The following SWAP70 variants were observed in gnomAD, a reference collection of about 807,000 sequenced individuals.
The protein encoded by SWAP70 is switch-associated protein 70.
Under a neutral mutation model 80.2 loss-of-function variants are expected in SWAP70, and 34 were observed. The ratio of observed to expected loss-of-function variants is 0.42; its 90% CI spans 0.32 to 0.56. The LOEUF (loss-of-function observed/expected upper bound fraction) is 0.56. SWAP70 is among the 20% of genes least tolerant of loss of function. SWAP70 has a pLI of 0.09. For missense variants in SWAP70, 578 were observed against 690.7 expected (o/e 0.84, Z 1.83); for synonymous variants, 239 against 238.5 (o/e 1.00, Z -0.02).
At chr11:9,705,452 C>G (rs1385329786) in intron 2 of SWAP70, among the ~76,000 whole-genome samples, 2 of 123,548 alleles carry the variant, frequency 1.6e-5, no homozygotes, top group Non-Finnish European at 3.2e-5. Context: ...TCTGTATACA[C>G]TGGTGATCTG....
At chr11:9,749,268 A>G in intron 11 of SWAP70, 85 bp downstream of exon 11, 3 of 716,286 alleles carry the variant, frequency 4.2e-6, no homozygotes, top group Non-Finnish European at 5.5e-6. Context: ...TTTGAGATGG[A>G]GTCTCGCTCT....
chr11:9,673,229 G>A (rs1456104501), intron 1 of SWAP70, among the ~76,000 whole-genome samples: 4 of 152,186 alleles, frequency 2.6e-5, no homozygotes, highest in Non-Finnish European at 5.9e-5. Flanking sequence ...TTCAAGTTGG[G>A]TTCTCCGTGA....
At chr11:9,737,020 G>A (rs192947845) in intron 7 of SWAP70, among the ~76,000 whole-genome samples, 10 of 152,312 alleles carry the variant, frequency 6.6e-5, no homozygotes, top group Admixed American at 1.3e-4. Context: ...ACCAGCCTGG[G>A]CAACATAGCG....
intron 3 of SWAP70, among the ~76,000 whole-genome samples, chr11:9,715,367 T>C (rs1376777102): frequency 6.6e-6 from 1 of 152,086 alleles, no homozygotes; most frequent in Non-Finnish European, 1.5e-5. Flanking sequence ...TGCAATTTGG[T>C]CTGTCCTATT....
rs1410359502 is a variant in SWAP70 at position 9,728,119 on chromosome 11, A to G, written c.709A>G (p.Asn237Asp). Residue 237 changes from asparagine (N) to aspartate (D), a missense_variant, in exon 5 of 12, where the codon AAC (asparagine) becomes GAC (aspartate). By Grantham distance (23) the Asn-to-Asp change is conservative. Coordinates refer to ENST00000318950, the MANE Select transcript of SWAP70 (RefSeq NM_015055.4). ...TGAAAGATGGTTTGTACTAAAACCCAACATAATTTCTTACTATGTGAGTGA... is the reference window on the plus strand; with the variant it reads ...TGAAAGATGGTTTGTACTAAAACCCGACATAATTTCTTACTATGTGAGTGA... ...WTERWFVLKP[N>D]IISYYVSEDL... 6.2e-7 allele frequency: 1 copy of G among 1,613,062 alleles called. No homozygotes were observed. The highest frequency in any genetic ancestry group is 8.5e-7 in the Non-Finnish European group (1 of 1,179,648).
At chr11:9,722,005 A>G (rs1851144742) in intron 3 of SWAP70, among the ~76,000 whole-genome samples, 1 of 152,218 alleles carries the variant, frequency 6.6e-6, no homozygotes, top group African/African-American at 2.4e-5. Flanking sequence ...CAGTAGAAAT[A>G]ATAGGTAAAT....
In SWAP70 at chr11:9,664,093, G is replaced by A; in HGVS notation, c.-87G>A. The stretch of plus-strand genomic sequence containing the variant: ...TGGCGGGTCAGGTGACTGCGCGGCG[G>A]GCTGTGGCTGCGGAGGTTGAGGGGC... On this transcript the variant is annotated 5_prime_UTR_variant, in exon 1 of 12. Coordinates refer to ENST00000318950, the MANE Select transcript of SWAP70 (RefSeq NM_015055.4). The A allele has an allele frequency of 7.7e-7, 1 of 1,306,288 alleles. No individual in the cohort carries two copies. The highest frequency in any genetic ancestry group is 1.5e-5 in the South Asian group (1 of 66,778). 80.9% of individuals were successfully genotyped at this position (1,306,288 alleles called of 1,614,324 possible).
chr11:9,692,671 T>C (rs2134446258), intron 1 of SWAP70, among the ~76,000 whole-genome samples: 1 of 152,290 alleles, frequency 6.6e-6, no homozygotes, highest in Admixed American at 6.5e-5. Context: ...TTCCATAGCA[T>C]TTTACAGTTA....
chr11:9,727,117 G>A (rs540624308), intron 4 of SWAP70, among the ~76,000 whole-genome samples: 10 of 152,306 alleles, frequency 6.6e-5, no homozygotes, highest in South Asian at 2.1e-4. Context: ...TTGGCTGGAC[G>A]TGGTGGCTCA....
intron 1 of SWAP70, among the ~76,000 whole-genome samples, chr11:9,674,544 T>C (rs992862891): frequency 6.6e-6 from 1 of 151,544 alleles, no homozygotes; most frequent in Non-Finnish European, 1.5e-5. Flanking sequence ...TACAAAAAAT[T>C]TAAAAATTAG....
chr11:9,748,581 T>C (rs188954138), intron 10 of SWAP70, among the ~76,000 whole-genome samples: 199 of 152,326 alleles, frequency 1.3e-3, no homozygotes, highest in Admixed American at 3.7e-3. Context: ...TCACTGGTGG[T>C]GAGCACTGTG....
At chr11:9,701,203 C>T (rs949721748) in intron 2 of SWAP70, among the ~76,000 whole-genome samples, 3 of 150,586 alleles carry the variant, frequency 2.0e-5, no homozygotes, top group South Asian at 2.1e-4. Flanking sequence ...ACAAGTCTTA[C>T]TCTTGTTCCC....
At chr11:9,725,425 T>C (rs1851196637) in intron 4 of SWAP70, among the ~76,000 whole-genome samples, 1 of 147,118 alleles carries the variant, frequency 6.8e-6, no homozygotes. Flanking sequence ...GGCTCATGCC[T>C]GTAATCCCAG....
At chr11:9,740,147 C>T (rs1157229157) in intron 8 of SWAP70, 34 bp from the exon 9 acceptor site, 3 of 1,599,564 alleles carry the variant, frequency 1.9e-6, no homozygotes, top group Middle Eastern at 3.3e-4. Flanking sequence ...AAGAAGTCAA[C>T]CTGCATTTAA....
chr11:9,728,182 G>A lies in SWAP70; in HGVS notation c.772G>A (p.Glu258Lys). Residue 258 changes from glutamate to lysine, a missense_variant, in exon 5 of 12, where the codon GAA (glutamate) becomes AAA (lysine). Coordinates refer to ENST00000318950, the MANE Select transcript of SWAP70 (RefSeq NM_015055.4). ...KDKKGDILLD[E>K]NCCVESLPDK... ...TAAGAAAGGAGACATTCTCTTGGAT[G>A]AAAATTGCTGTGTAGAGGTGAGTCT... The A allele has an allele frequency of 6.2e-7, 1 of 1,610,766 alleles. No homozygotes were observed. Among genetic ancestry groups the A allele is most frequent in the Non-Finnish European group, 8.5e-7 (1 of 1,178,828 alleles).
intron 2 of SWAP70, among the ~76,000 whole-genome samples, chr11:9,710,367 A>G (rs1850979028): frequency 6.6e-6 from 1 of 152,132 alleles, no homozygotes; most frequent in African/African-American, 2.4e-5. Context: ...CTTTCCCTCC[A>G]TGGGATCACT....
chr11:9,698,547 G>A (rs891198637), intron 2 of SWAP70, among the ~76,000 whole-genome samples: 4 of 151,902 alleles, frequency 2.6e-5, no homozygotes, highest in Non-Finnish European at 5.9e-5. Flanking sequence ...TGTGACAACA[G>A]GCATGTGCCA....
chr11:9,740,089 C>A, intron 8 of SWAP70, 92 bp from the exon 9 acceptor site: 1 of 1,190,566 alleles, frequency 8.4e-7, no homozygotes, highest in Non-Finnish European at 1.2e-6. Flanking sequence ...TGGGCTGAGG[C>A]TGCAGCTGTG....
Position 9,738,193 on chromosome 11 carries a change from A to G in SWAP70, c.1081-20A>G, listed in dbSNP as rs1045718125. ...TACTCTAACACCTGCTTTTCTGTGG[A>G]TGGGTTTTTGATTGGCTAGAAACTG... On this transcript the variant is annotated intron_variant, in intron 7 of 11. Coordinates refer to ENST00000318950, the MANE Select transcript of SWAP70 (RefSeq NM_015055.4). The G allele has an allele frequency of 1.8e-5, 29 of 1,583,968 alleles. No homozygotes were observed. The highest frequency in any genetic ancestry group is 2.3e-5 in the Non-Finnish European group (27 of 1,163,128).
Sources: allele counts gnomAD v4.1 joint callset (sites outside exome capture counted in the v4.1 genomes callset), GRCh38; gene constraint gnomAD v4.1.1; transcripts MANE v1.5; gene names NCBI Gene and HGNC (gene_info 2026-07-23, HGNC 2026-07-21).